Variants in DENND4C observed in about 807,000 individuals in gnomAD.
DENND4C encodes the protein DENN domain-containing protein 4C.
A neutral mutation model predicts 203.0 loss-of-function variants in DENND4C; 108 were observed. That is an observed-to-expected ratio of 0.53 (90% CI 0.46 to 0.62). The LOEUF (loss-of-function observed/expected upper bound fraction) is 0.62. Ranked by LOEUF, DENND4C falls within the 20% of genes least tolerant of loss-of-function variation. The pLI is 0.00. For synonymous variants in DENND4C, 871 were observed against 792.4 expected, an observed-to-expected ratio of 1.10 and a Z score of -1.67; for missense variants, 2,481 against 2,301.2, an observed-to-expected ratio of 1.08 and a Z score of -1.60.
At chr9:19,262,902 G>T (rs1829716689) in intron 1 of DENND4C, among the ~76,000 whole-genome samples, 1 of 152,182 alleles carries the variant, frequency 6.6e-6, no homozygotes. Flanking sequence ...AATTTGACTA[G>T]TTCCTTTCCA....
At chr9:19,342,490 C>A in intron 21 of DENND4C, 143 bp from the exon 22 acceptor site, 1 of 734,804 alleles carries the variant, frequency 1.4e-6, no homozygotes, top group Non-Finnish European at 2.0e-6. Context: ...AAACCAGACA[C>A]AGTCTATTTT....
chr9:19,304,907 A>AG, intron 9 of DENND4C, among the ~76,000 whole-genome samples: 1 of 149,388 alleles, frequency 6.7e-6, no homozygotes, highest in Admixed American at 6.6e-5. Flanking sequence ...GAAAATAATT[A>AG]GTTTTTTTTT....
chr9:19,371,171 T>C (rs1222597315), intron 31 of DENND4C, among the ~76,000 whole-genome samples: 1 of 152,238 alleles, frequency 6.6e-6, no homozygotes, highest in Admixed American at 6.5e-5. Context: ...CCTGTCATCT[T>C]TAACAACTGA....
intron 26 of DENND4C, among the ~76,000 whole-genome samples, chr9:19,355,941 C>G (rs1239067951): frequency 1.3e-5 from 2 of 151,724 alleles, no homozygotes; most frequent in South Asian, 2.1e-4. Flanking sequence ...TCCATAAGTC[C>G]TATACTTTTT....
At chr9:19,279,676 C>G (rs538581399) in intron 2 of DENND4C, among the ~76,000 whole-genome samples, 79 of 136,658 alleles carry the variant, frequency 5.8e-4, no homozygotes, top group African/African-American at 2.1e-3. Flanking sequence ...AACTCCTTCT[C>G]AAGACAAAAA....
rs534975313 is a variant in DENND4C at position 19,282,803 on chromosome 9, G to A, written c.306-3966G>A. On this transcript the variant is annotated intron_variant, in intron 2 of 32. Transcript: ENST00000434457. Reference sequence around the variant, plus strand: ...ATGATTGGGGCTCACTACAATCTCTGCTTCCTGGGTTCAGGTGATTCTCCT... The same window carrying A: ...ATGATTGGGGCTCACTACAATCTCTACTTCCTGGGTTCAGGTGATTCTCCT... Among the ~76,000 whole-genome samples, 13 of 125,540 alleles carry A rather than the reference G, an allele frequency of 1.0e-4. No homozygotes were observed. The East Asian group carries it at 3.4e-3, about 33-fold the overall frequency. The allele number at this position is 125,540 out of a possible 152,430, so 82.4% of individuals were successfully genotyped here. A position where few individuals can be genotyped will look rare whatever the true frequency, so the allele number is the denominator to read the frequency against.
At chr9:19,352,318 T>C (rs1359961024) in intron 25 of DENND4C, 136 bp downstream of exon 25, 1 of 1,036,184 alleles carries the variant, frequency 9.7e-7, no homozygotes, top group Non-Finnish European at 1.4e-6. Flanking sequence ...TTGCTTGATG[T>C]CTTATGTAAG....
In DENND4C at chr9:19,341,011, A is replaced by G; in HGVS notation, c.2901A>G (p.Gly967=). ...HSSTGGQSDQ[G]YGSKDELIKD... ...TAACAGGTGGTCAGTCTGACCAAGGATACGGGTCTAAGGATGAACTTATAA... is the reference window on the plus strand; with the variant it reads ...TAACAGGTGGTCAGTCTGACCAAGGGTACGGGTCTAAGGATGAACTTATAA... The change falls in exon 21 of 33, where the codon GGA becomes GGG. Residue 967 remains glycine (G), a synonymous_variant. Coordinates refer to ENST00000434457, the MANE Select transcript of DENND4C (RefSeq NM_001330640.2). 2 of 1,611,338 alleles carry G rather than the reference A, an allele frequency of 1.2e-6. No homozygotes were observed. Among genetic ancestry groups the G allele is most frequent in the Non-Finnish European group, 1.7e-6 (2 of 1,178,824 alleles).
chr9:19,265,357 G>A (rs575935143), intron 1 of DENND4C, among the ~76,000 whole-genome samples: 1 of 152,264 alleles, frequency 6.6e-6, no homozygotes, highest in South Asian at 2.1e-4. Flanking sequence ...CATTGACCCA[G>A]TGGTCATTTA....
intron 20 of DENND4C, chr9:19,337,573 T>A: frequency 8.1e-7 from 1 of 1,230,854 alleles, no homozygotes; most frequent in Non-Finnish European, 1.0e-6. Flanking sequence ...GCTGCATTTG[T>A]CCTTGGCTGT....
At chr9:19,243,525 A>G (rs2131490318) in intron 1 of DENND4C, among the ~76,000 whole-genome samples, 1 of 152,206 alleles carries the variant, frequency 6.6e-6, no homozygotes, top group South Asian at 2.1e-4. Context: ...CCCCATTCCC[A>G]GTCTCCTAGT....
chr9:19,345,531 T>G (rs1385058597), intron 22 of DENND4C, among the ~76,000 whole-genome samples: 1 of 152,268 alleles, frequency 6.6e-6, no homozygotes, highest in Non-Finnish European at 1.5e-5. Flanking sequence ...CCTATAAGAT[T>G]ACAAATTTGC....
intron 10 of DENND4C, among the ~76,000 whole-genome samples, chr9:19,314,548 C>T (rs536512403): frequency 1.3e-5 from 2 of 151,998 alleles, no homozygotes; most frequent in South Asian, 4.2e-4. Context: ...CCACCTGTTC[C>T]CCAAAAACCT....
At chr9:19,302,600 T>C (rs138597736) in intron 9 of DENND4C, among the ~76,000 whole-genome samples, 20 of 151,972 alleles carry the variant, frequency 1.3e-4, no homozygotes, top group African/African-American at 4.6e-4. Flanking sequence ...CCTTTGTGAG[T>C]GATAGTTGCA....
rs1000763716 is a variant in DENND4C, at chr9:19,261,817, T to C, written c.-17-14341T>C. 4.6e-5 allele frequency among the ~76,000 whole-genome samples: 7 copies of C among 152,020 alleles called. 1 individual carries two copies. Among genetic ancestry groups the C allele is most frequent in the African/African-American group, 1.7e-4 (7 of 41,402 alleles). The stretch of plus-strand genomic sequence containing the variant: ...CCATGCCTGGTCTCTTTCCGTTTTT[T>C]GTGTGTGTGTTCTCTTTAATTTCTT... On this transcript the variant is annotated intron_variant, in intron 1 of 32. Coordinates refer to ENST00000434457, the MANE Select transcript of DENND4C (RefSeq NM_001330640.2).
Position 19,287,029 on chromosome 9 carries a change from T to G in DENND4C, c.558+8T>G. 1 of 1,232,086 alleles carries G rather than the reference T, an allele frequency of 8.1e-7. No individual in the cohort carries two copies. Among genetic ancestry groups the G allele is most frequent in the Non-Finnish European group, 1.0e-6 (1 of 987,946 alleles). 76.3% of individuals were successfully genotyped at this position (1,232,086 alleles called of 1,614,324 possible). A position where few individuals can be genotyped will look rare whatever the true frequency, so the allele number is the denominator to read the frequency against. On this transcript the variant is annotated splice_region_variant and intron_variant, in intron 3 of 32. Coordinates refer to ENST00000434457, the MANE Select transcript of DENND4C (RefSeq NM_001330640.2). ...AACTTAAATTGTGGAATGGTAAGAA[T>G]AAAGTTTTCATCTTCAAAGTTTCAT...
intron 1 of DENND4C, among the ~76,000 whole-genome samples, chr9:19,242,803 A>G (rs1213086062): frequency 6.6e-6 from 1 of 151,926 alleles, no homozygotes; most frequent in African/African-American, 2.4e-5. Flanking sequence ...CTATAGGCGC[A>G]TGCCACCATG....
chr9:19,292,533 A>T (rs984347429), intron 5 of DENND4C: 4 of 151,642 alleles, frequency 2.6e-5, no homozygotes, highest in African/African-American at 7.3e-5. Flanking sequence ...TTCAAAATTG[A>T]AAACTTTCTT....
chr9:19,363,148 CTG>C (rs1563843919), intron 30 of DENND4C, among the ~76,000 whole-genome samples: 1 of 152,158 alleles, frequency 6.6e-6, no homozygotes, highest in Non-Finnish European at 1.5e-5. Context: ...AACCTTTTCT[CTG>C]TGTGTGTGCA....
Sources: gnomAD v4.1 joint callset for allele counts (sites outside exome capture counted in the v4.1 genomes callset) on GRCh38, gnomAD v4.1.1 for gene constraint, MANE v1.5 for transcripts, NCBI Gene and HGNC (gene_info 2026-07-23, HGNC 2026-07-21) for gene names.